The following SRRM3 variants were observed in gnomAD, a reference collection of about 807,000 sequenced individuals.
SRRM3 encodes serine/arginine repetitive matrix protein 3.
Under a neutral mutation model 66.2 loss-of-function variants are expected in SRRM3, and 27 were observed. The observed-to-expected ratio is 0.41, with a 90% confidence interval of 0.30 to 0.56. SRRM3 has a LOEUF of 0.56. SRRM3 is among the 20% of genes least tolerant of loss of function. The pLI is 0.32. For missense variants in SRRM3, 918 were observed against 991.9 expected (o/e 0.93, Z 1.00); for synonymous variants, 391 against 414.9 (o/e 0.94, Z 0.70).
intron 10 of SRRM3, among the ~76,000 whole-genome samples, chr7:76,265,847 TATATATA>T (rs1415307670): frequency 8.3e-4 from 7 of 8,462 alleles, no homozygotes; most frequent in East Asian, 0.022. Context: ...TATATATATA[TATATATA>T]TATATTTTTT....
intron 1 of SRRM3, among the ~76,000 whole-genome samples, chr7:76,210,372 C>G (rs1385992008): frequency 6.6e-6 from 1 of 152,226 alleles, no homozygotes; most frequent in African/African-American, 2.4e-5. Flanking sequence ...CAGGCCCTAT[C>G]TGACACATAT....
In SRRM3 at chr7:76,253,422, C is replaced by T. The variant is rs576655458; in HGVS notation, c.335+5133C>T. Among the ~76,000 whole-genome samples, 25 of 151,936 alleles carry T rather than the reference C, an allele frequency of 1.6e-4. No homozygotes were observed. In the South Asian group the frequency reaches 5.2e-3, roughly 32 times the overall value. On this transcript the variant is annotated intron_variant, in intron 3 of 14. Transcript: ENST00000611745. ...GGATCATGAGGTCAGGAGTTCGAGA[C>T]CATCCTGGCTAACACGGTGAAACCC...
intron 8 of SRRM3, among the ~76,000 whole-genome samples, chr7:76,262,639 T>C (rs919724783): frequency 6.7e-6 from 1 of 149,770 alleles, no homozygotes. Flanking sequence ...TTGGCCAACA[T>C]AGTCAGTCTC....
Position 76,285,148 on chromosome 7 carries a change from C to T in SRRM3, c.1734-467C>T, listed in dbSNP as rs564078683. The T allele has an allele frequency of 6.2e-6, 1 of 160,282 alleles. No individual in the cohort carries two copies. Among genetic ancestry groups the T allele is most frequent in the Non-Finnish European group, 1.4e-5 (1 of 73,416 alleles). The allele number at this position is 160,282 out of a possible 1,614,324, so 9.9% of individuals were successfully genotyped here. On this transcript the variant is annotated intron_variant, in intron 14 of 14. Transcript: ENST00000611745. The surrounding 1 kb of genome is among the most constrained non-coding windows in gnomAD (Gnocchi z 4.1). ...GCGCAATCTCCACTCACTGCAGCCT[C>T]CGCCTCTGGGGTTCAAGCGATCCTC...
intron 5 of SRRM3, 131 bp from the exon 6 acceptor site, chr7:76,260,743 G>A (rs1801843121): frequency 1.2e-6 from 1 of 838,198 alleles, no homozygotes; most frequent in Non-Finnish European, 1.9e-6. Flanking sequence ...CTGGGGAGGA[G>A]GGGCCTCATC....
At chr7:76,230,173 A>G (rs1283910769) in intron 1 of SRRM3, among the ~76,000 whole-genome samples, 1 of 152,194 alleles carries the variant, frequency 6.6e-6, no homozygotes, top group African/African-American at 2.4e-5. Flanking sequence ...TGTTCTATCC[A>G]GTCAATAGTG....
At chr7:76,265,502 T>C in intron 10 of SRRM3, 34 bp downstream of exon 10, 1 of 1,558,702 alleles carries the variant, frequency 6.4e-7, no homozygotes, top group Admixed American at 1.7e-5. Flanking sequence ...TTTCTCCTGG[T>C]GGGGGATGAG....
At chr7:76,251,519 C>T (rs984524788) in intron 3 of SRRM3, among the ~76,000 whole-genome samples, 1 of 152,116 alleles carries the variant, frequency 6.6e-6, no homozygotes, top group Admixed American at 6.6e-5. Context: ...GGACTACAGG[C>T]GCACGCTGCC....
chr7:76,282,736 A>G lies in SRRM3; in HGVS notation c.1459A>G (p.Ser487Gly). Reference protein sequence around the residue: ...HGRRGGPEGKSSSRSPGPHPR... With the variant: ...HGRRGGPEGKGSSRSPGPHPR... ...CCGGCGCGGCGGCCCAGAAGGGAAGAGCTCGTCGCGCAGCCCCGGCCCGCA... is the reference window on the plus strand; with the variant it reads ...CCGGCGCGGCGGCCCAGAAGGGAAGGGCTCGTCGCGCAGCCCCGGCCCGCA... The change falls in exon 13 of 15, where the codon AGC becomes GGC. Residue 487 changes from serine (S) to glycine (G), a missense_variant. Physicochemically the swap from Ser to Gly is moderately conservative, Grantham distance 56 (BLOSUM62 0). Transcript: ENST00000611745. The G allele has an allele frequency of 6.9e-7, 1 of 1,456,760 alleles. No homozygotes were observed. The highest frequency in any genetic ancestry group is 1.3e-5 in the South Asian group (1 of 76,210). The allele number at this position is 1,456,760 out of a possible 1,614,324, so 90.2% of individuals were successfully genotyped here.
rs961551572 is a variant in SRRM3 at position 76,279,294 on chromosome 7, G to A, written c.1009-2147G>A. Among the ~76,000 whole-genome samples, 3 of 151,942 alleles carry A rather than the reference G, an allele frequency of 2.0e-5. No homozygotes were observed. In the East Asian group the frequency reaches 5.8e-4, roughly 29 times the overall value. On this transcript the variant is annotated intron_variant, in intron 11 of 14. Coordinates refer to ENST00000611745, the MANE Select transcript of SRRM3 (RefSeq NM_001110199.3). ...AAAAAAGAAACAGCCTGCCAAAAGA[G>A]CTTGGTCCAGGCACCACCTGGCTTC...
chr7:76,237,273 G>A (rs190779480), intron 2 of SRRM3, among the ~76,000 whole-genome samples: 4 of 152,288 alleles, frequency 2.6e-5, no homozygotes, highest in African/African-American at 9.6e-5. Flanking sequence ...CGGGCATGGT[G>A]GCATGCACCT....
intron 10 of SRRM3, among the ~76,000 whole-genome samples, chr7:76,266,025 C>T (rs1231260100): frequency 1.3e-5 from 1 of 77,710 alleles, no homozygotes; most frequent in Non-Finnish European, 2.0e-5. Flanking sequence ...CCCGCCACTA[C>T]GCCCGGCTAA....
rs782656478 is a variant in SRRM3 at position 76,235,335 on chromosome 7, A to G, written c.233+36A>G. ...CGCGGGGCGGGACTGGGGTGGGGAG[A>G]TAGGCGGGGCGAGGGTGGGAGAAGC... On this transcript the variant is annotated intron_variant, in intron 2 of 14. Transcript: ENST00000611745. 33 of 1,428,702 alleles carry G rather than the reference A, an allele frequency of 2.3e-5. No homozygotes were observed. In the African/African-American group the frequency reaches 4.4e-4, roughly 19 times the overall value. The allele number at this position is 1,428,702 out of a possible 1,614,324, so 88.5% of individuals were successfully genotyped here.
At chr7:76,253,788 A>C (rs1415370570) in intron 3 of SRRM3, among the ~76,000 whole-genome samples, 3 of 65,372 alleles carry the variant, frequency 4.6e-5, no homozygotes, top group Admixed American at 1.6e-4. Context: ...ACTCTGTTTC[A>C]AAAAAAAAAA....
At chr7:76,264,845 C>G (rs369619153) in intron 9 of SRRM3, 30 bp downstream of exon 9, 2 of 1,610,842 alleles carry the variant, frequency 1.2e-6, no homozygotes, top group African/African-American at 1.3e-5. Context: ...TCCAGCCCCC[C>G]ATTCGTTCTC....
chr7:76,285,792 C>G lies in SRRM3; in HGVS notation c.1911C>G (p.Thr637=), dbSNP rs1554612749. 6.4e-7 allele frequency: 1 copy of G among 1,551,004 alleles called. No individual in the cohort carries two copies. The highest frequency in any genetic ancestry group is 2.0e-5 in the Admixed American group (1 of 51,056). The part of the protein sequence containing the change: ...TRSRTRSPSR[T]PSPSYHSRSS... ...GCCGGACACGCAGCCCCTCGAGGAC[C>G]CCCAGTCCCAGCTACCACAGCCGGA... Residue 637 remains threonine (T), a synonymous_variant, in exon 15 of 15, where the codon ACC becomes ACG. Coordinates refer to ENST00000611745, the MANE Select transcript of SRRM3 (RefSeq NM_001110199.3). This position sits in a 1 kb window ranked among gnomAD's most constrained non-coding sequence, Gnocchi z 4.1.
At position 76,260,158 on chromosome 7, in the gene SRRM3, A is replaced by G. The variant is rs1371784789; in HGVS notation, c.506A>G (p.Lys169Arg). Residue 169 changes from lysine (K) to arginine (R), a missense_variant, in exon 5 of 15, where the codon AAG becomes AGG. Physicochemically the swap from Lys to Arg is conservative, Grantham distance 26 (BLOSUM62 2). Coordinates refer to ENST00000611745, the MANE Select transcript of SRRM3 (RefSeq NM_001110199.3). The stretch of plus-strand genomic sequence containing the variant: ...AGCAGCTCGGCATCGCCCCCTCCCA[A>G]GAAAAAGAAGAAAAAGAAAGGCGGC... ...WSSSSASPPPKKKKKKKGGHR... is the reference protein window; with the variant it reads ...WSSSSASPPPRKKKKKKGGHR... 1.3e-6 allele frequency: 2 copies of G among 1,518,996 alleles called. No homozygotes were observed. Among genetic ancestry groups the G allele is most frequent in the East Asian group, 2.6e-5 (1 of 38,448 alleles). 94.1% of individuals were successfully genotyped at this position (1,518,996 alleles called of 1,614,324 possible). A position where few individuals can be genotyped will look rare whatever the true frequency, so the allele number is the denominator to read the frequency against.
intron 3 of SRRM3, among the ~76,000 whole-genome samples, chr7:76,251,724 G>A (rs1236247011): frequency 6.6e-6 from 1 of 151,986 alleles, no homozygotes; most frequent in Non-Finnish European, 1.5e-5. Flanking sequence ...GAGCCCAGGA[G>A]TTCCAGACCA....
chr7:76,280,395 C>T (rs1253490846), intron 11 of SRRM3, among the ~76,000 whole-genome samples: 1 of 129,936 alleles, frequency 7.7e-6, no homozygotes, highest in Non-Finnish European at 1.6e-5. Flanking sequence ...CCGTGTGACG[C>T]CCCCACCCCC....
Sources: allele counts gnomAD v4.1 joint callset (sites outside exome capture counted in the v4.1 genomes callset), GRCh38; gene constraint gnomAD v4.1.1; non-coding constraint Gnocchi (gnomAD v3.1); transcripts MANE v1.5; gene names NCBI Gene and HGNC (gene_info 2026-07-23, HGNC 2026-07-21).